The following PTPRM variants were observed in gnomAD, a reference collection of about 807,000 sequenced individuals.
PTPRM encodes the protein protein tyrosine phosphatase receptor type M, also known as receptor-type tyrosine-protein phosphatase mu.
PTPRM carries 47 observed loss-of-function variants against 186.7 expected under a neutral mutation model. The ratio of observed to expected loss-of-function variants is 0.25; its 90% CI spans 0.20 to 0.32. PTPRM has a LOEUF of 0.32. Ranked by LOEUF, PTPRM falls within the 10% of genes least tolerant of loss-of-function variation. PTPRM has a pLI of 1.00. For synonymous variants in PTPRM, 668 were observed against 674.9 expected, an observed-to-expected ratio of 0.99 and a Z score of 0.16; for missense variants, 1,494 against 1,865.0, an observed-to-expected ratio of 0.80 and a Z score of 3.66.
At chr18:7,576,724 G>A (rs2036697470) in intron 1 of PTPRM, among the ~76,000 whole-genome samples, 1 of 152,168 alleles carries the variant, frequency 6.6e-6, no homozygotes, top group African/African-American at 2.4e-5. Flanking sequence ...GTAGTCTTCA[G>A]CCTCCCAAAG....
intron 10 of PTPRM, among the ~76,000 whole-genome samples, 173 bp downstream of exon 10, chr18:8,086,045 C>T (rs959996862): frequency 6.6e-6 from 1 of 152,150 alleles, no homozygotes; most frequent in Non-Finnish European, 1.5e-5. Context: ...AAATATTTCT[C>T]ATTTGGGAGC....
At chr18:7,580,128 A>C (rs573057688) in intron 1 of PTPRM, among the ~76,000 whole-genome samples, 1 of 152,328 alleles carries the variant, frequency 6.6e-6, no homozygotes, top group East Asian at 1.9e-4. Context: ...CATTTGATTC[A>C]AGGATCTCTC....
At chr18:8,397,244 C>T (rs1472916530) in intron 32 of PTPRM, among the ~76,000 whole-genome samples, 2 of 152,244 alleles carry the variant, frequency 1.3e-5, no homozygotes, top group Admixed American at 1.3e-4. Flanking sequence ...TGGTCCCTTC[C>T]GTTCAGAACA....
chr18:8,237,115 A>G (rs963054900), intron 14 of PTPRM, among the ~76,000 whole-genome samples: 1 of 152,110 alleles, frequency 6.6e-6, no homozygotes, highest in Admixed American at 6.5e-5. Flanking sequence ...ACCACTTCAC[A>G]GGTAGTGAAA....
At chr18:7,879,703 A>G (rs1299370984) in intron 2 of PTPRM, among the ~76,000 whole-genome samples, 1 of 152,188 alleles carries the variant, frequency 6.6e-6, no homozygotes, top group Non-Finnish European at 1.5e-5. Flanking sequence ...CATCTGAGGT[A>G]TATGAGCTGT....
In PTPRM at chr18:8,093,683, G is replaced by A. The variant is rs141169736; in HGVS notation, c.1856+4832G>A. 5.0e-3 allele frequency among the ~76,000 whole-genome samples: 768 copies of A among 152,164 alleles called. 7 individuals carry two copies. Among genetic ancestry groups the A allele is most frequent in the African/African-American group, 0.018 (742 of 41,534 alleles). On this transcript the variant is annotated intron_variant, in intron 11 of 32. Transcript: ENST00000580170. Reference sequence around the variant, plus strand: ...ATATAATAACTCAGAAAAAAAAATGGATGTGTTTCCCTATTGATCCCTGAA... The same window carrying A: ...ATATAATAACTCAGAAAAAAAAATGAATGTGTTTCCCTATTGATCCCTGAA...
intron 2 of PTPRM, among the ~76,000 whole-genome samples, chr18:7,869,337 G>C (rs954575803): frequency 1.2e-4 from 18 of 152,274 alleles, no homozygotes; most frequent in Middle Eastern, 3.4e-3. Flanking sequence ...CAGGCACCGG[G>C]GGGAATCTCC....
chr18:7,651,352 C>G (rs2038698877), intron 1 of PTPRM, among the ~76,000 whole-genome samples: 1 of 151,926 alleles, frequency 6.6e-6, no homozygotes, highest in South Asian at 2.1e-4. Context: ...CAAAAAACAC[C>G]CTTAAGAGAA....
intron 13 of PTPRM, among the ~76,000 whole-genome samples, chr18:8,128,693 G>T (rs993853953): frequency 6.6e-6 from 1 of 152,076 alleles, no homozygotes; most frequent in South Asian, 2.1e-4. Flanking sequence ...CTTTTTTCTT[G>T]TCATTTTTTG....
chr18:8,289,476 A>G (rs1429211944), intron 19 of PTPRM, among the ~76,000 whole-genome samples: 1 of 133,070 alleles, frequency 7.5e-6, no homozygotes. Flanking sequence ...ATACACACAT[A>G]TGTATATATA....
At chr18:8,059,204 C>T (rs901631484) in intron 7 of PTPRM, among the ~76,000 whole-genome samples, 5 of 146,138 alleles carry the variant, frequency 3.4e-5, no homozygotes, top group African/African-American at 1.3e-4. Context: ...GTATTTTATT[C>T]TCTTTGAAGC....
intron 1 of PTPRM, among the ~76,000 whole-genome samples, chr18:7,740,437 T>C (rs943678389): frequency 4.6e-5 from 7 of 152,196 alleles, no homozygotes; most frequent in African/African-American, 1.7e-4. Context: ...ATTTTATTTT[T>C]AGAGATGGGA....
intron 14 of PTPRM, among the ~76,000 whole-genome samples, chr18:8,222,542 C>T (rs377732849): frequency 5.3e-5 from 8 of 152,256 alleles, no homozygotes; most frequent in African/African-American, 1.2e-4. Context: ...GGATCTCTTC[C>T]GATTGCCATT....
At chr18:7,866,583 T>C (rs553008453) in intron 2 of PTPRM, among the ~76,000 whole-genome samples, 107 of 152,344 alleles carry the variant, frequency 7.0e-4, no homozygotes, top group African/African-American at 2.4e-3. Flanking sequence ...CTTTTGCATA[T>C]GCTGAGGAGT....
chr18:8,376,396 A>G (rs2095695058), intron 25 of PTPRM, 66 bp from the exon 26 acceptor site: 4 of 1,607,522 alleles, frequency 2.5e-6, no homozygotes, highest in Admixed American at 3.3e-5. Context: ...TCGATAAAAA[A>G]TTTAAAAAGC....
At chr18:8,303,304 T>G (rs894389848) in intron 20 of PTPRM, among the ~76,000 whole-genome samples, 1 of 152,084 alleles carries the variant, frequency 6.6e-6, no homozygotes, top group African/African-American at 2.4e-5. Context: ...GCCCTCCTAC[T>G]CCATTTCCTA....
intron 1 of PTPRM, among the ~76,000 whole-genome samples, chr18:7,682,089 G>A (rs2039493504): frequency 1.3e-5 from 2 of 152,206 alleles, no homozygotes; most frequent in African/African-American, 4.8e-5. Flanking sequence ...AAGCAGCTGA[G>A]ATTATATGTT....
chr18:7,760,836 C>T (rs567451800), intron 1 of PTPRM, among the ~76,000 whole-genome samples: 36 of 152,160 alleles, frequency 2.4e-4, no homozygotes, highest in African/African-American at 8.4e-4. Context: ...ACCTATGCTC[C>T]TTCTGGTGGC....
chr18:8,199,771 A>T lies in PTPRM; in HGVS notation c.2301-44287A>T, dbSNP rs142359396. ...GGAGCAGTGATTGATTCATTTTTGC[A>T]TCTGTCAAATGCCTCTATAGTCCAA... On this transcript the variant is annotated intron_variant, in intron 14 of 32. Transcript: ENST00000580170. Among the ~76,000 whole-genome samples the T allele has an allele frequency of 3.5e-3, 533 of 152,286 alleles. 1 individual carries two copies. The highest frequency in any genetic ancestry group is 0.012 in the African/African-American group (491 of 41,568).
Sources: allele counts gnomAD v4.1 joint callset (sites outside exome capture counted in the v4.1 genomes callset), GRCh38; gene constraint gnomAD v4.1.1; transcripts MANE v1.5; gene names NCBI Gene and HGNC (gene_info 2026-07-23, HGNC 2026-07-21).